Variants in CADPS2 observed in about 807,000 individuals in gnomAD.
The protein encoded by CADPS2 is calcium dependent secretion activator 2.
A neutral mutation model predicts 172.5 loss-of-function variants in CADPS2; 93 were observed. The ratio of observed to expected loss-of-function variants is 0.54; its 90% CI spans 0.46 to 0.64. The LOEUF (loss-of-function observed/expected upper bound fraction) is 0.64, where lower values mean the gene tolerates loss of function less well. CADPS2 is among the 30% of genes least tolerant of loss of function. CADPS2 has a pLI of 0.00. For synonymous variants in CADPS2, 546 were observed against 555.2 expected, an observed-to-expected ratio of 0.98 and a Z score of 0.23; for missense variants, 1,420 against 1,565.9, an observed-to-expected ratio of 0.91 and a Z score of 1.57.
At chr7:122,720,416 G>T (rs140726835) in intron 2 of CADPS2, among the ~76,000 whole-genome samples, 81 of 149,448 alleles carry the variant, frequency 5.4e-4, no homozygotes, top group South Asian at 3.0e-3. Flanking sequence ...CTTAATAGAG[G>T]TTTGTATATA....
At chr7:122,539,753 C>CTCTCTCCCTGTCTGTT (rs2062713192) in intron 8 of CADPS2, among the ~76,000 whole-genome samples, 1 of 151,652 alleles carries the variant, frequency 6.6e-6, no homozygotes, top group Middle Eastern at 3.4e-3. Context: ...CTCTCTCTGT[C>CTCTCTCCCTGTCTGTT]TCTCTCTGTC....
Position 122,541,819 on chromosome 7 carries a change from ATGTT to A in CADPS2, c.1475+12727_1475+12730del, listed in dbSNP as rs1447191355. On this transcript the variant is annotated intron_variant, in intron 8 of 29. Coordinates refer to ENST00000449022, the MANE Select transcript of CADPS2 (RefSeq NM_017954.11). Reference sequence around the variant, plus strand: ...TATTCATATATATTTATATATTCATATGTTTATATATTCATATGTTTATATATTC... The same window carrying A: ...TATTCATATATATTTATATATTCATATATATATTCATATGTTTATATATTC... Among the ~76,000 whole-genome samples, 6 of 46,008 alleles carry A rather than the reference ATGTT, an allele frequency of 1.3e-4. No homozygotes were observed. The East Asian group carries it at 1.6e-3, about 12-fold the overall frequency. 30.2% of individuals were successfully genotyped at this position (46,008 alleles called of 152,430 possible). A position where few individuals can be genotyped will look rare whatever the true frequency, so the allele number is the denominator to read the frequency against.
At chr7:122,714,484 T>TA (rs1214308722) in intron 2 of CADPS2, among the ~76,000 whole-genome samples, 2 of 152,112 alleles carry the variant, frequency 1.3e-5, no homozygotes, top group East Asian at 1.9e-4. Context: ...ATCATTTTTT[T>TA]AAAAAAACAA....
intron 9 of CADPS2, among the ~76,000 whole-genome samples, chr7:122,501,610 G>A (rs2059204611): frequency 6.6e-6 from 1 of 152,000 alleles, no homozygotes; most frequent in Non-Finnish European, 1.5e-5. Flanking sequence ...AGCACTTTGG[G>A]AGGCCGAGGC....
chr7:122,359,587 T>C (rs1473734673), intron 27 of CADPS2, among the ~76,000 whole-genome samples: 1 of 152,150 alleles, frequency 6.6e-6, no homozygotes, highest in Non-Finnish European at 1.5e-5. Context: ...CAAAGTCCAA[T>C]GTGATATATA....
At chr7:122,592,877 T>C (rs1419923433) in intron 6 of CADPS2, among the ~76,000 whole-genome samples, 6 of 151,712 alleles carry the variant, frequency 4.0e-5, no homozygotes, top group Admixed American at 1.3e-4. Context: ...TTAGGAGATA[T>C]ACCTAATGTA....
chr7:122,543,840 G>A (rs577410662), intron 8 of CADPS2, among the ~76,000 whole-genome samples: 2 of 152,178 alleles, frequency 1.3e-5, no homozygotes, highest in South Asian at 4.1e-4. Flanking sequence ...AATGAAATAA[G>A]AGTCAGGATC....
intron 19 of CADPS2, among the ~76,000 whole-genome samples, chr7:122,413,264 A>T (rs2047518832): frequency 6.6e-6 from 1 of 152,196 alleles, no homozygotes; most frequent in Admixed American, 6.5e-5. Flanking sequence ...ATCTGGTCAG[A>T]GATGGTCTGG....
At chr7:122,795,614 C>T (rs1294012861) in intron 1 of CADPS2, among the ~76,000 whole-genome samples, 1 of 152,166 alleles carries the variant, frequency 6.6e-6, no homozygotes, top group Non-Finnish European at 1.5e-5. Context: ...ACAAAAACCA[C>T]ATGAGAATCT....
At chr7:122,672,664 C>G (rs1239622459) in intron 2 of CADPS2, among the ~76,000 whole-genome samples, 2 of 152,206 alleles carry the variant, frequency 1.3e-5, no homozygotes, top group Non-Finnish European at 2.9e-5. Flanking sequence ...CTCTCCCATT[C>G]CTCCACCCCA....
chr7:122,393,116 T>C (rs1382563221), intron 22 of CADPS2, 80 bp downstream of exon 22: 4 of 1,503,040 alleles, frequency 2.7e-6, no homozygotes, highest in Non-Finnish European at 3.6e-6. Flanking sequence ...TGCCATGCAG[T>C]CTAAACACAT....
At chr7:122,531,093 G>A (rs2061712928) in intron 8 of CADPS2, among the ~76,000 whole-genome samples, 2 of 152,310 alleles carry the variant, frequency 1.3e-5, no homozygotes, top group Middle Eastern at 3.4e-3. Context: ...GTGTCACACT[G>A]CAGTAGAGAA....
chr7:122,722,445 G>C (rs1055682820), intron 2 of CADPS2, among the ~76,000 whole-genome samples: 1 of 151,282 alleles, frequency 6.6e-6, no homozygotes, highest in African/African-American at 2.4e-5. Context: ...ATTCACAATT[G>C]CTTCAAAGAG....
chr7:122,771,718 A>G (rs2093708853), intron 1 of CADPS2, among the ~76,000 whole-genome samples: 2 of 152,194 alleles, frequency 1.3e-5, no homozygotes, highest in African/African-American at 4.8e-5. Context: ...GGTCACGAAG[A>G]AAACAAGGCA....
intron 14 of CADPS2, among the ~76,000 whole-genome samples, chr7:122,453,706 A>G (rs13241783): frequency 0.056 from 8,595 of 152,272 alleles, 322 homozygotes; most frequent in Non-Finnish European, 0.062. Context: ...ATTTTGTTCA[A>G]CTGTCAAATG....
intron 12 of CADPS2, among the ~76,000 whole-genome samples, chr7:122,479,736 T>C (rs1046195914): frequency 6.6e-6 from 1 of 152,148 alleles, no homozygotes; most frequent in Non-Finnish European, 1.5e-5. Context: ...TTAGAAATAA[T>C]ATGTTCAATG....
At chr7:122,484,582 T>C (rs2057614360) in intron 11 of CADPS2, among the ~76,000 whole-genome samples, 1 of 151,834 alleles carries the variant, frequency 6.6e-6, no homozygotes, top group South Asian at 2.1e-4. Flanking sequence ...CAATTTGGGT[T>C]AGGCAAAGAT....
intron 8 of CADPS2, among the ~76,000 whole-genome samples, chr7:122,524,888 C>T (rs1407553393): frequency 6.6e-6 from 1 of 152,170 alleles, no homozygotes; most frequent in Non-Finnish European, 1.5e-5. Flanking sequence ...GTGGTTCACG[C>T]CTATAATCCC....
chr7:122,703,460 A>G (rs1045613197), intron 2 of CADPS2, among the ~76,000 whole-genome samples: 2 of 152,130 alleles, frequency 1.3e-5, no homozygotes, highest in African/African-American at 2.4e-5. Flanking sequence ...TGCCTATCCC[A>G]CACCTAAAGA....
Sources: allele counts gnomAD v4.1 joint callset (sites outside exome capture counted in the v4.1 genomes callset), GRCh38; gene constraint gnomAD v4.1.1; transcripts MANE v1.5; gene names NCBI Gene and HGNC (gene_info 2026-07-23, HGNC 2026-07-21).